NELL1: variants seen among roughly 807,000 people sequenced by gnomAD.
The protein encoded by NELL1 is neural EGFL like 1, also known as protein kinase C-binding protein NELL1.
NELL1 carries 76 observed loss-of-function variants against 107.4 expected under a neutral mutation model. The observed-to-expected ratio is 0.71, with a 90% CI of 0.59 to 0.86. The LOEUF (loss-of-function observed/expected upper bound fraction) is 0.86, where lower values mean the gene tolerates loss of function less well. Among genes scored for constraint, NELL1 ranks in the 40% least tolerant of loss-of-function variants. NELL1 has a pLI of 0.00. For missense variants in NELL1, 1,024 were observed against 1,005.5 expected, an observed-to-expected ratio of 1.02 and a Z score of -0.25; for synonymous variants, 353 against 341.2, an observed-to-expected ratio of 1.03 and a Z score of -0.38.
chr11:21,560,223 T>C lies in NELL1; in HGVS notation c.1821T>C (p.Cys607=), dbSNP rs920409144. The change falls in exon 17 of 20, where the codon TGT becomes TGC. Residue 607 remains cysteine, a synonymous_variant. Coordinates refer to ENST00000357134, the MANE Select transcript of NELL1 (RefSeq NM_006157.5). ...AATGTGCCTTAAGAACTCACACCTG[T>C]TGGAACGATTCTGCCTGCATCAACC... ...IDECALRTHT[C]WNDSACINLA... 1.9e-6 allele frequency: 3 copies of C among 1,613,634 alleles called. No homozygotes were observed. Among genetic ancestry groups the C allele is most frequent in the Non-Finnish European group, 2.5e-6 (3 of 1,179,750 alleles).
At chr11:21,063,391 GT>G (rs1853790363) in intron 12 of NELL1, among the ~76,000 whole-genome samples, 1 of 152,138 alleles carries the variant, frequency 6.6e-6, no homozygotes, top group Non-Finnish European at 1.5e-5. Flanking sequence ...TGACCATTTA[GT>G]TGAACTCAAT....
At chr11:21,259,684 T>A (rs1436799861) in intron 14 of NELL1, among the ~76,000 whole-genome samples, 1 of 151,878 alleles carries the variant, frequency 6.6e-6, no homozygotes, top group African/African-American at 2.4e-5. Context: ...AAAAAGAAGA[T>A]GCAAAATACT....
chr11:21,007,325 CAT>C (rs967840376), intron 12 of NELL1, among the ~76,000 whole-genome samples: 83 of 152,160 alleles, frequency 5.5e-4, no homozygotes, highest in African/African-American at 1.8e-3. Context: ...GACATAATAA[CAT>C]GTGACATTGA....
At chr11:20,922,184 C>G (rs1037968969) in intron 7 of NELL1, among the ~76,000 whole-genome samples, 4 of 152,026 alleles carry the variant, frequency 2.6e-5, no homozygotes, top group African/African-American at 9.7e-5. Flanking sequence ...AACTCTGTCC[C>G]CCTATACCCT....
At chr11:21,190,764 A>G (rs950027957) in intron 13 of NELL1, among the ~76,000 whole-genome samples, 8 of 151,896 alleles carry the variant, frequency 5.3e-5, no homozygotes, top group African/African-American at 1.7e-4. Flanking sequence ...TGATATTGCA[A>G]AAAGTGCAAC....
chr11:21,302,413 T>C (rs1372851660), intron 14 of NELL1, among the ~76,000 whole-genome samples: 2 of 152,062 alleles, frequency 1.3e-5, no homozygotes, highest in African/African-American at 4.8e-5. Context: ...AACCATGTTC[T>C]AATGTGCAAA....
Position 21,397,281 on chromosome 11 carries a change from G to A in NELL1, c.1645+26333G>A, listed in dbSNP as rs537291734. Among the ~76,000 whole-genome samples, 263 of 151,608 alleles carry A rather than the reference G, an allele frequency of 1.7e-3. 8 individuals are homozygous for A. The South Asian group carries it at 0.052, about 30-fold the overall frequency. On this transcript the variant is annotated intron_variant, in intron 15 of 19. Transcript: ENST00000357134. Reference sequence around the variant, plus strand: ...TATTAATATATAACATGTGAAGACTGAGCATCAGGCATGAATAGATTCATA... The same window carrying A: ...TATTAATATATAACATGTGAAGACTAAGCATCAGGCATGAATAGATTCATA...
intron 13 of NELL1, among the ~76,000 whole-genome samples, chr11:21,179,709 C>T (rs1176041552): frequency 2.0e-5 from 3 of 151,722 alleles, no homozygotes; most frequent in Non-Finnish European, 4.4e-5. Flanking sequence ...TGAGACTTGA[C>T]ATAAAGAGAA....
At chr11:21,472,595 A>T (rs1379383490) in intron 15 of NELL1, among the ~76,000 whole-genome samples, 1 of 151,984 alleles carries the variant, frequency 6.6e-6, no homozygotes, top group Non-Finnish European at 1.5e-5. Flanking sequence ...AAGAAGGATT[A>T]GTCTAATATT....
intron 14 of NELL1, among the ~76,000 whole-genome samples, chr11:21,256,432 C>T (rs1858769939): frequency 6.6e-6 from 1 of 152,012 alleles, no homozygotes; most frequent in Admixed American, 6.6e-5. Context: ...CAATTAAGAT[C>T]TGGAAGGCAG....
intron 5 of NELL1, among the ~76,000 whole-genome samples, chr11:20,900,383 A>C (rs1444688243): frequency 6.6e-6 from 1 of 152,186 alleles, no homozygotes; most frequent in Admixed American, 6.5e-5. Context: ...CTGGAAATAG[A>C]TTTGACCTTT....
chr11:21,560,653 A>G (rs542003985), intron 17 of NELL1, among the ~76,000 whole-genome samples: 7 of 152,172 alleles, frequency 4.6e-5, no homozygotes, highest in African/African-American at 1.4e-4. Flanking sequence ...TAGTCCTCCC[A>G]CTGAAAGCCT....
chr11:20,769,066 G>C (rs966686297), intron 2 of NELL1, among the ~76,000 whole-genome samples: 14 of 152,094 alleles, frequency 9.2e-5, no homozygotes, highest in African/African-American at 1.9e-4. Flanking sequence ...GAGAGAAAAC[G>C]ACAAAGACTA....
intron 15 of NELL1, among the ~76,000 whole-genome samples, chr11:21,509,565 G>C (rs1855382851): frequency 1.3e-5 from 2 of 152,000 alleles, no homozygotes; most frequent in Admixed American, 1.3e-4. Context: ...AATGAAATAA[G>C]AAAGTTACAA....
chr11:20,706,214 A>G (rs1189203991), intron 2 of NELL1, among the ~76,000 whole-genome samples: 1 of 152,192 alleles, frequency 6.6e-6, no homozygotes, highest in East Asian at 1.9e-4. Flanking sequence ...AGACACATGC[A>G]CACATATGTT....
chr11:20,889,394 T>C (rs971487628), intron 5 of NELL1, among the ~76,000 whole-genome samples: 23 of 152,190 alleles, frequency 1.5e-4, no homozygotes, highest in African/African-American at 5.5e-4. Flanking sequence ...CCAAGCTTAA[T>C]TGTCATTTGA....
chr11:20,964,434 C>T (rs1005688351), intron 12 of NELL1, among the ~76,000 whole-genome samples: 1 of 152,178 alleles, frequency 6.6e-6, no homozygotes, highest in Non-Finnish European at 1.5e-5. Flanking sequence ...AATGATAATA[C>T]CTTTTACTTG....
Position 21,533,958 on chromosome 11 carries a change from A to C in NELL1, c.1646-416A>C, listed in dbSNP as rs1459181203. Among the ~76,000 whole-genome samples the C allele has an allele frequency of 2.6e-5, 4 of 152,334 alleles. No homozygotes were observed. The East Asian group carries it at 5.8e-4, about 22-fold the overall frequency. ...AAATCAGTTTAATAATATTTAATCC[A>C]GAGTGTCCTGAACTTATTTGTTCAT... On this transcript the variant is annotated intron_variant, in intron 15 of 19. Coordinates refer to ENST00000357134, the MANE Select transcript of NELL1 (RefSeq NM_006157.5).
intron 5 of NELL1, among the ~76,000 whole-genome samples, chr11:20,893,036 A>T (rs1047061260): frequency 1.3e-5 from 2 of 152,182 alleles, no homozygotes; most frequent in Non-Finnish European, 2.9e-5. Context: ...TGTTAGACTA[A>T]AGAAAATGTG....
Sources: allele counts gnomAD v4.1 joint callset (sites outside exome capture counted in the v4.1 genomes callset), GRCh38; gene constraint gnomAD v4.1.1; transcripts MANE v1.5; gene names NCBI Gene and HGNC (gene_info 2026-07-23, HGNC 2026-07-21).